Variants in APOLD1 observed in about 807,000 individuals in gnomAD.
The protein encoded by APOLD1 is apolipoprotein L domain-containing protein 1.
Under a neutral mutation model 15.3 loss-of-function variants are expected in APOLD1, and 22 were observed. The observed-to-expected ratio is 1.44, with a 90% CI of 1.03 to 2.05. The LOEUF (loss-of-function observed/expected upper bound fraction) is 2.05, where lower values mean the gene tolerates loss of function less well. Among genes scored for constraint, APOLD1 ranks in the 30% most tolerant of loss-of-function variants. APOLD1 has a pLI of 0.00. For synonymous variants in APOLD1, 190 were observed against 167.4 expected (o/e 1.13, Z -1.04); for missense variants, 394 against 353.5 (o/e 1.11, Z -0.92).
chr12:12,752,756 C>T (rs562612117), intron 1 of APOLD1, among the ~76,000 whole-genome samples: 22 of 152,264 alleles, frequency 1.4e-4, no homozygotes, highest in African/African-American at 4.8e-4. Context: ...CAAAATATAG[C>T]GGACACTAAG....
At chr12:12,726,054 G>A in exon 1 of APOLD1, 2 of 1,541,140 alleles carry the variant, frequency 1.3e-6, no homozygotes, top group South Asian at 1.2e-5. Context: ...GGAAGGCGCG[G>A]GCAGGAGCCT....
intron 1 of APOLD1, among the ~76,000 whole-genome samples, chr12:12,741,051 T>C (rs1217594983): frequency 1.3e-5 from 2 of 152,220 alleles, no homozygotes; most frequent in African/African-American, 2.4e-5. Flanking sequence ...AAAGTCCTTG[T>C]ACCTTTTGTA....
At chr12:12,781,720 G>A (rs926896291), upstream of APOLD1, among the ~76,000 whole-genome samples, 1 of 150,746 alleles carries the variant, frequency 6.6e-6, no homozygotes, top group African/African-American at 2.4e-5. Flanking sequence ...GTAGAGACGG[G>A]GTTTCACCAT....
At position 12,790,576 on chromosome 12, in the gene APOLD1, A is replaced by G. The variant is rs908430835; in HGVS notation, c.*2924A>G. 6.6e-6 allele frequency: 1 copy of G among 152,262 alleles called. No homozygotes were observed. Among genetic ancestry groups the G allele is most frequent in the African/African-American group, 2.4e-5 (1 of 41,476 alleles). The allele number at this position is 152,262 out of a possible 1,614,324, so 9.4% of individuals were successfully genotyped here. The stretch of plus-strand genomic sequence containing the variant: ...TTCCTCTCATATTTTGGGTGTATCA[A>G]AAGTTCTAGACTTTTGAAGTTATGA... On this transcript the variant is annotated 3_prime_UTR_variant, in exon 2 of 2. Transcript: ENST00000356591.
chr12:12,766,395 C>T (rs1298939650), intron 1 of APOLD1, among the ~76,000 whole-genome samples: 4 of 152,068 alleles, frequency 2.6e-5, no homozygotes, highest in Non-Finnish European at 4.4e-5. Context: ...AGGTGGGGGC[C>T]ATAAGTTCCC....
chr12:12,758,093 TTTTTTTC>T (rs1430407612), intron 1 of APOLD1, among the ~76,000 whole-genome samples: 1 of 114,194 alleles, frequency 8.8e-6, no homozygotes, highest in Admixed American at 8.0e-5. Context: ...GATGCCTGGC[TTTTTTTC>T]TTTTTTTTTT....
Position 12,727,600 on chromosome 12 carries a change from A to C in APOLD1, c.96+1504A>C, listed in dbSNP as rs140862206. ...AGCTTTATTATTTATTTATTTATTT[A>C]TTCTTCTTCTTATTTTTTTTAAAAG... On this transcript the variant is annotated intron_variant, in intron 1 of 1. Transcript: ENST00000326765. Among the ~76,000 whole-genome samples, 1,290 of 151,272 alleles carry C rather than the reference A, an allele frequency of 8.5e-3. 59 individuals carry two copies. Among genetic ancestry groups the C allele is most frequent in the Admixed American group, 0.074 (1,119 of 15,160 alleles).
At chr12:12,781,826 A>G (rs1315047147), upstream of APOLD1, among the ~76,000 whole-genome samples, 2 of 150,268 alleles carry the variant, frequency 1.3e-5, no homozygotes, top group Non-Finnish European at 3.0e-5. Context: ...CGCGCCCGGC[A>G]TACTTTATCT....
intron 1 of APOLD1, among the ~76,000 whole-genome samples, chr12:12,786,509 T>C (rs1374118816): frequency 6.6e-6 from 1 of 152,136 alleles, no homozygotes; most frequent in Non-Finnish European, 1.5e-5. Flanking sequence ...CTTTGTAAAC[T>C]GTACAACCCA....
At chr12:12,758,652 C>T (rs191597485) in intron 1 of APOLD1, among the ~76,000 whole-genome samples, 2 of 152,266 alleles carry the variant, frequency 1.3e-5, no homozygotes, top group East Asian at 1.9e-4. Context: ...TTTATCCATC[C>T]GTAAATGTGA....
intron 1 of APOLD1, among the ~76,000 whole-genome samples, chr12:12,727,036 A>G (rs931235886): frequency 6.6e-6 from 1 of 152,240 alleles, no homozygotes; most frequent in African/African-American, 2.4e-5. Context: ...CAAATATCAA[A>G]TAGTATTTGG....
chr12:12,783,207 AAAAT>A (rs1303737802), upstream of APOLD1, among the ~76,000 whole-genome samples: 7 of 152,210 alleles, frequency 4.6e-5, no homozygotes, highest in East Asian at 1.9e-4. Context: ...CGCCGTCTCA[AAAAT>A]AAATAAATAA....
intron 1 of APOLD1, among the ~76,000 whole-genome samples, chr12:12,779,513 G>A (rs938081864): frequency 6.6e-6 from 1 of 152,068 alleles, no homozygotes; most frequent in African/African-American, 2.4e-5. Flanking sequence ...GGGTTCTTCT[G>A]GAAAGCAATA....
chr12:12,779,245 C>A (rs1199063615), intron 1 of APOLD1, among the ~76,000 whole-genome samples: 4 of 152,136 alleles, frequency 2.6e-5, no homozygotes, highest in Non-Finnish European at 5.9e-5. Context: ...GGTACCAGCA[C>A]ACACCCCGGC....
At chr12:12,731,095 C>CTT (rs1555087392) in intron 1 of APOLD1, among the ~76,000 whole-genome samples, 30 of 152,216 alleles carry the variant, frequency 2.0e-4, no homozygotes, top group Non-Finnish European at 3.8e-4. Flanking sequence ...GGGCCGAGAT[C>CTT]GCACCACTGC....
In APOLD1 at chr12:12,736,179, GTC is replaced by G. The variant is rs1946683669; in HGVS notation, c.96+10087_96+10088del. 2.0e-5 allele frequency among the ~76,000 whole-genome samples: 3 copies of G among 151,914 alleles called. No homozygotes were observed. The East Asian group carries it at 5.8e-4, about 29-fold the overall frequency. On this transcript the variant is annotated intron_variant, in intron 1 of 1. Transcript: ENST00000326765. ...GGCCTGGCCAGCCTGGTGAAACCCC[GTC>G]TCTACTAAAAATACAAAAAATTAGG...
At chr12:12,752,479 A>G (rs1291162247) in intron 1 of APOLD1, among the ~76,000 whole-genome samples, 1 of 152,230 alleles carries the variant, frequency 6.6e-6, no homozygotes, top group Non-Finnish European at 1.5e-5. Context: ...TTTGACCTCC[A>G]CAGACCACTT....
chr12:12,787,084 G>C lies in APOLD1; in HGVS notation c.179G>C (p.Ser60Thr). Reference sequence around the variant, plus strand: ...TCCCTCGTAGCCAACGTGGCCGGCAGCTCGCTGAGCGCAACGGGCGCCCTC... The same window carrying C: ...TCCCTCGTAGCCAACGTGGCCGGCACCTCGCTGAGCGCAACGGGCGCCCTC... ...RRSLVANVAG[S>T]SLSATGALAA... The change falls in exon 2 of 2, where the codon AGC becomes ACC. Residue 60 changes from serine to threonine, a missense_variant. Coordinates refer to ENST00000356591, the MANE Select transcript of APOLD1 (RefSeq NM_030817.3). The surrounding 1 kb of genome is among the most constrained non-coding windows in gnomAD (Gnocchi z 4.9). The C allele has an allele frequency of 7.2e-7, 1 of 1,397,598 alleles. No homozygotes were observed. Among genetic ancestry groups the C allele is most frequent in the Non-Finnish European group, 9.2e-7 (1 of 1,086,254 alleles). 86.6% of individuals were successfully genotyped at this position (1,397,598 alleles called of 1,614,324 possible).
At chr12:12,755,918 G>T (rs948812644) in intron 1 of APOLD1, among the ~76,000 whole-genome samples, 1 of 152,276 alleles carries the variant, frequency 6.6e-6, no homozygotes, top group East Asian at 1.9e-4. Context: ...CTGCCAGCCT[G>T]CTCTAGACAT....
Sources: allele counts gnomAD v4.1 joint callset (sites outside exome capture counted in the v4.1 genomes callset), GRCh38; gene constraint gnomAD v4.1.1; non-coding constraint Gnocchi (gnomAD v3.1); transcripts MANE v1.5; gene names NCBI Gene and HGNC (gene_info 2026-07-23, HGNC 2026-07-21).